CCDC149: variants seen among roughly 807,000 people sequenced by gnomAD.
CCDC149 encodes coiled-coil domain-containing protein 149.
In CCDC149, 45 loss-of-function variants were observed where a neutral mutation model predicts 59.9. That is an observed-to-expected ratio of 0.75 (90% confidence interval 0.59 to 0.96). The LOEUF (loss-of-function observed/expected upper bound fraction) is 0.96, where lower values mean the gene tolerates loss of function less well. CCDC149 is among the 40% of genes least tolerant of loss of function. CCDC149 has a pLI of 0.00. For synonymous variants in CCDC149, 245 were observed against 260.6 expected, an observed-to-expected ratio of 0.94 and a Z score of 0.58; for missense variants, 584 against 664.7, an observed-to-expected ratio of 0.88 and a Z score of 1.33.
At chr4:24,945,543 G>A (rs565577032) in intron 1 of CCDC149, among the ~76,000 whole-genome samples, 207 of 152,112 alleles carry the variant, frequency 1.4e-3, no homozygotes, top group African/African-American at 4.3e-3. Context: ...GATTTCAGGC[G>A]TCTGGACTCC....
intron 4 of CCDC149, among the ~76,000 whole-genome samples, chr4:24,847,372 T>A (rs1431067551): frequency 6.6e-6 from 1 of 152,188 alleles, no homozygotes; most frequent in African/African-American, 2.4e-5. Context: ...CCCTAAATCA[T>A]TAAATCTCAT....
intron 10 of CCDC149, among the ~76,000 whole-genome samples, chr4:24,821,992 T>C (rs923287178): frequency 2.6e-5 from 4 of 152,190 alleles, no homozygotes; most frequent in African/African-American, 9.6e-5. Flanking sequence ...TTGTTGGTTT[T>C]TATCTTTATT....
At chr4:24,809,201 GA>G (rs1417241195) in intron 12 of CCDC149, among the ~76,000 whole-genome samples, 1 of 152,110 alleles carries the variant, frequency 6.6e-6, no homozygotes, top group African/African-American at 2.4e-5. Flanking sequence ...TGTTAGTAAT[GA>G]AAAAAGGTTC....
chr4:24,968,193 G>A (rs886282066), intron 1 of CCDC149, among the ~76,000 whole-genome samples: 1 of 152,202 alleles, frequency 6.6e-6, no homozygotes, highest in Non-Finnish European at 1.5e-5. Context: ...TGAGGCCTGT[G>A]GCAGTGCACG....
chr4:24,886,791 G>A (rs766660940), intron 1 of CCDC149, among the ~76,000 whole-genome samples: 6 of 152,060 alleles, frequency 3.9e-5, no homozygotes, highest in Non-Finnish European at 5.9e-5. Context: ...CGAGGCTCAC[G>A]TGGCTGCCCT....
intron 4 of CCDC149, among the ~76,000 whole-genome samples, chr4:24,842,691 A>C (rs1717011823): frequency 6.6e-6 from 1 of 152,128 alleles, no homozygotes; most frequent in Non-Finnish European, 1.5e-5. Context: ...AAAGTGGTAA[A>C]ACGGCTTCTG....
chr4:24,950,922 A>G (rs1723267946), intron 1 of CCDC149, among the ~76,000 whole-genome samples: 1 of 152,186 alleles, frequency 6.6e-6, no homozygotes, highest in African/African-American at 2.4e-5. Flanking sequence ...TCATGTCTTG[A>G]CTGGCTGCTC....
chr4:24,933,141 C>A (rs977441605), intron 1 of CCDC149, among the ~76,000 whole-genome samples: 1 of 152,064 alleles, frequency 6.6e-6, no homozygotes, highest in Non-Finnish European at 1.5e-5. Flanking sequence ...GGTGGGATCT[C>A]AGGAATTAAT....
intron 1 of CCDC149, among the ~76,000 whole-genome samples, chr4:24,895,893 G>C (rs1217398670): frequency 6.6e-6 from 1 of 152,194 alleles, no homozygotes; most frequent in African/African-American, 2.4e-5. Flanking sequence ...ACTGAAGTCT[G>C]GGCAGGAATC....
intron 1 of CCDC149, among the ~76,000 whole-genome samples, chr4:24,942,328 C>A (rs543935301): frequency 6.6e-6 from 1 of 152,260 alleles, no homozygotes; most frequent in African/African-American, 2.4e-5. Context: ...CACAAAAGGC[C>A]TTTGACAAAA....
chr4:24,906,991 C>T (rs1251766611), intron 1 of CCDC149, among the ~76,000 whole-genome samples: 1 of 152,150 alleles, frequency 6.6e-6, no homozygotes, highest in African/African-American at 2.4e-5. Context: ...CTTAGTATTT[C>T]GTTAAGTCCC....
In CCDC149 at chr4:24,808,199, T is replaced by C. The variant is rs76181756; in HGVS notation, c.*190A>G. ...GATGACACTGAGAAGCTTGAGGACC[T>C]ACATTTAATAAATCAAACTGTACTG... On this transcript the variant is annotated 3_prime_UTR_variant, in exon 13 of 13. Transcript: ENST00000635206. 9,063 of 442,746 alleles carry C rather than the reference T, an allele frequency of 0.02. 544 individuals carry two copies. The highest frequency in any genetic ancestry group is 0.18 in the East Asian group (5,083 of 28,788). 27.4% of individuals were successfully genotyped at this position (442,746 alleles called of 1,614,324 possible).
chr4:24,828,170 C>T (rs1715885125), intron 9 of CCDC149: 1 of 151,234 alleles, frequency 6.6e-6, no homozygotes, highest in Admixed American at 6.6e-5. Flanking sequence ...AACTTATGTA[C>T]TGATGCGAAG....
At chr4:24,851,624 C>T (rs978336157) in intron 4 of CCDC149, among the ~76,000 whole-genome samples, 2 of 152,180 alleles carry the variant, frequency 1.3e-5, no homozygotes, top group Non-Finnish European at 2.9e-5. Context: ...AGAAGAGTCA[C>T]AGATCCAAAA....
At chr4:24,853,836 T>C (rs948933825) in intron 3 of CCDC149, among the ~76,000 whole-genome samples, 1 of 152,182 alleles carries the variant, frequency 6.6e-6, no homozygotes, top group Non-Finnish European at 1.5e-5. Flanking sequence ...CGAGCAACAA[T>C]CTCTGAAATC....
At chr4:24,892,756 C>T (rs766221452) in intron 1 of CCDC149, among the ~76,000 whole-genome samples, 6 of 152,160 alleles carry the variant, frequency 3.9e-5, no homozygotes, top group Non-Finnish European at 7.4e-5. Context: ...ACTTCTGAAA[C>T]ATTTCCTTTA....
At chr4:24,852,958 A>C in intron 4 of CCDC149, 114 bp downstream of exon 4, 1 of 712,680 alleles carries the variant, frequency 1.4e-6, no homozygotes, top group Non-Finnish European at 2.4e-6. Flanking sequence ...AAATTTAAAA[A>C]TCTATAACAA....
At chr4:24,850,014 C>G (rs970830441) in intron 4 of CCDC149, among the ~76,000 whole-genome samples, 2 of 152,248 alleles carry the variant, frequency 1.3e-5, no homozygotes, top group African/African-American at 2.4e-5. Context: ...TTAGTCCCCC[C>G]TCTGTTGGGA....
chr4:24,921,566 C>G (rs1310389573), intron 1 of CCDC149, among the ~76,000 whole-genome samples: 1 of 152,130 alleles, frequency 6.6e-6, no homozygotes, highest in African/African-American at 2.4e-5. Context: ...GGTGCTGGTA[C>G]CTCAGCATGT....
Sources: allele counts gnomAD v4.1 joint callset (sites outside exome capture counted in the v4.1 genomes callset), GRCh38; gene constraint gnomAD v4.1.1; transcripts MANE v1.5; gene names NCBI Gene and HGNC (gene_info 2026-07-23, HGNC 2026-07-21).